The following TFEC variants were observed in gnomAD, a reference collection of about 807,000 sequenced individuals.
The protein encoded by TFEC is transcription factor EC.
In TFEC, 31 loss-of-function variants were observed where a neutral mutation model predicts 41.6. That is an observed-to-expected ratio of 0.74 (90% CI 0.56 to 1.01). TFEC has a LOEUF of 1.01. Among genes scored for constraint, TFEC ranks in the 50% least tolerant of loss-of-function variants. The pLI is 0.00. For synonymous variants in TFEC, 143 were observed against 140.6 expected (o/e 1.02, Z -0.12); for missense variants, 402 against 404.1 (o/e 0.99, Z 0.04).
chr7:116,132,195 T>C (rs1798346505), intron 1 of TFEC, among the ~76,000 whole-genome samples: 1 of 152,214 alleles, frequency 6.6e-6, no homozygotes, highest in Non-Finnish European at 1.5e-5. Flanking sequence ...AGTTGGCCTA[T>C]AAGTCAAAGA....
chr7:116,145,833 A>G (rs1385536606), intron 1 of TFEC, among the ~76,000 whole-genome samples: 3 of 152,226 alleles, frequency 2.0e-5, no homozygotes, highest in African/African-American at 4.8e-5. Flanking sequence ...GACTGCTTAT[A>G]AGTTAAAATG....
At chr7:116,068,264 G>C (rs1228466723) in intron 3 of TFEC, among the ~76,000 whole-genome samples, 1 of 151,716 alleles carries the variant, frequency 6.6e-6, no homozygotes, top group Non-Finnish European at 1.5e-5. Context: ...TCTAAGCTCA[G>C]CCCTGATCTC....
chr7:116,054,923 G>C (rs1796393310), intron 3 of TFEC, among the ~76,000 whole-genome samples: 3 of 152,076 alleles, frequency 2.0e-5, no homozygotes, highest in Admixed American at 2.0e-4. Context: ...TTTATTCCTA[G>C]TTGGCTAAAT....
chr7:116,014,211 G>T (rs1795106039), intron 1 of TFEC, among the ~76,000 whole-genome samples: 1 of 152,064 alleles, frequency 6.6e-6, no homozygotes, highest in African/African-American at 2.4e-5. Context: ...ATTATTTTCA[G>T]CTTGGCTTAT....
chr7:115,959,088 TA>T (rs1184477862), intron 3 of TFEC, among the ~76,000 whole-genome samples: 4 of 151,844 alleles, frequency 2.6e-5, no homozygotes, highest in African/African-American at 9.7e-5. Context: ...GGCAAATGAA[TA>T]CCTATTTTAT....
chr7:116,097,608 T>A (rs1398814394), intron 3 of TFEC, among the ~76,000 whole-genome samples: 1 of 152,114 alleles, frequency 6.6e-6, no homozygotes, highest in Non-Finnish European at 1.5e-5. Flanking sequence ...TGATTCATAT[T>A]CCACAGGGGA....
At chr7:115,950,680 T>G (rs1791888074) in intron 6 of TFEC, among the ~76,000 whole-genome samples, 194 bp downstream of exon 6, 1 of 152,082 alleles carries the variant, frequency 6.6e-6, no homozygotes, top group African/African-American at 2.4e-5. Context: ...AGAGGACAAC[T>G]CTTAGTAACA....
At chr7:115,970,759 C>G (rs1025999110) in intron 3 of TFEC, among the ~76,000 whole-genome samples, 1 of 151,850 alleles carries the variant, frequency 6.6e-6, no homozygotes, top group Non-Finnish European at 1.5e-5. Context: ...AACTTCTCCC[C>G]TCTCTCTTGC....
chr7:115,985,373 G>GTT lies in TFEC; in HGVS notation c.-72-862_-72-861dup, dbSNP rs571853592. Among the ~76,000 whole-genome samples, 91 of 152,188 alleles carry GTT rather than the reference G, an allele frequency of 6.0e-4. 1 individual carries two copies. The highest frequency in any genetic ancestry group is 6.8e-3 in the Middle Eastern group (2 of 294). ...TGCCCTTTAAAAGCCTGTGAACGTA[G>GTT]TTTTGCCTGGCAGTAGTCTTTATAT... On this transcript the variant is annotated intron_variant, in intron 1 of 7. Transcript: ENST00000265440.
At chr7:115,960,481 C>A (rs531237137) in intron 3 of TFEC, among the ~76,000 whole-genome samples, 2 of 151,370 alleles carry the variant, frequency 1.3e-5, no homozygotes, top group African/African-American at 4.8e-5. Flanking sequence ...AAAGTGATTG[C>A]GGAATAAATA....
At chr7:116,072,153 G>A (rs181319742) in intron 3 of TFEC, among the ~76,000 whole-genome samples, 22 of 151,472 alleles carry the variant, frequency 1.5e-4, no homozygotes, top group Non-Finnish European at 2.5e-4. Context: ...AGAAAGCTAT[G>A]TTTACATTTT....
chr7:116,079,925 A>G (rs1050303981), intron 3 of TFEC, among the ~76,000 whole-genome samples: 4 of 152,172 alleles, frequency 2.6e-5, no homozygotes, highest in Admixed American at 1.3e-4. Flanking sequence ...ACCCGACTTC[A>G]AAAGGTACTA....
chr7:115,997,933 G>A (rs576265477), intron 1 of TFEC, among the ~76,000 whole-genome samples: 1 of 152,030 alleles, frequency 6.6e-6, no homozygotes, highest in South Asian at 2.1e-4. Flanking sequence ...GAATAAAAAA[G>A]AATTAAGCAT....
chr7:116,023,083 C>CA (rs10714429), intron 1 of TFEC, among the ~76,000 whole-genome samples: 13,763 of 135,056 alleles, frequency 0.1, 684 homozygotes, highest in Middle Eastern at 0.16. Context: ...GTTCTTCCAG[C>CA]AAAAAAAAAA....
chr7:116,107,407 T>C (rs1797745963), intron 3 of TFEC, among the ~76,000 whole-genome samples: 1 of 152,196 alleles, frequency 6.6e-6, no homozygotes, highest in Non-Finnish European at 1.5e-5. Context: ...TTCCCTAGAA[T>C]AGTTCACACT....
At chr7:116,106,284 C>T (rs1797715078) in intron 3 of TFEC, among the ~76,000 whole-genome samples, 1 of 152,196 alleles carries the variant, frequency 6.6e-6, no homozygotes, top group African/African-American at 2.4e-5. Flanking sequence ...ACACTTATCA[C>T]AGTGTAAGTC....
At chr7:116,069,482 T>C (rs1395894778) in intron 3 of TFEC, among the ~76,000 whole-genome samples, 2 of 151,660 alleles carry the variant, frequency 1.3e-5, no homozygotes, top group African/African-American at 4.8e-5. Context: ...AAAGAATACA[T>C]CCTCTAAAAC....
chr7:115,962,474 G>GT, intron 3 of TFEC, among the ~76,000 whole-genome samples: 1 of 151,880 alleles, frequency 6.6e-6, no homozygotes, highest in Admixed American at 6.6e-5. Context: ...CTGTGCTAGT[G>GT]TGAGTCTGAC....
intron 1 of TFEC, among the ~76,000 whole-genome samples, chr7:116,001,498 A>G (rs79838799): frequency 1.4e-5 from 2 of 145,028 alleles, no homozygotes; most frequent in Non-Finnish European, 3.1e-5. Flanking sequence ...CAGTCTCAGG[A>G]AAAAAAAAAA....
Sources: gnomAD v4.1 joint callset for allele counts (sites outside exome capture counted in the v4.1 genomes callset) on GRCh38, gnomAD v4.1.1 for gene constraint, MANE v1.5 for transcripts, NCBI Gene and HGNC (gene_info 2026-07-23, HGNC 2026-07-21) for gene names.